Variants in CADPS2 observed in about 807,000 individuals in gnomAD.
CADPS2 encodes calcium dependent secretion activator 2.
CADPS2 carries 93 observed loss-of-function variants against 172.5 expected under a neutral mutation model. The observed-to-expected ratio is 0.54, with a 90% CI of 0.46 to 0.64. The LOEUF (loss-of-function observed/expected upper bound fraction) is 0.64, where lower values mean the gene tolerates loss of function less well. Among genes scored for constraint, CADPS2 ranks in the 30% least tolerant of loss-of-function variants. The pLI is 0.00. For synonymous variants in CADPS2, 546 were observed against 555.2 expected, an observed-to-expected ratio of 0.98 and a Z score of 0.23; for missense variants, 1,420 against 1,565.9, an observed-to-expected ratio of 0.91 and a Z score of 1.57.
rs151189877 is a variant in CADPS2, at chr7:122,543,042, C to T, written c.1475+11508G>A. Among the ~76,000 whole-genome samples, 584 of 152,002 alleles carry T rather than the reference C, an allele frequency of 3.8e-3. 7 individuals are homozygous for T. The highest frequency in any genetic ancestry group is 0.013 in the African/African-American group (553 of 41,474). The stretch of plus-strand genomic sequence containing the variant: ...CATGTATAGTGTTAATATACATTAA[C>T]ACTCAAGGAAGAATAAAGTAAGTTA... On this transcript the variant is annotated intron_variant, in intron 8 of 29. Coordinates refer to ENST00000449022, the MANE Select transcript of CADPS2 (RefSeq NM_017954.11).
chr7:122,695,832 G>A (rs1443608224), intron 2 of CADPS2, among the ~76,000 whole-genome samples: 1 of 152,118 alleles, frequency 6.6e-6, no homozygotes. Flanking sequence ...GATGAACAAA[G>A]GAAAAGGAGG....
intron 17 of CADPS2, among the ~76,000 whole-genome samples, chr7:122,425,549 T>C (rs554282148): frequency 6.6e-6 from 1 of 150,746 alleles, no homozygotes; most frequent in Non-Finnish European, 1.5e-5. Flanking sequence ...GAGGCTACGG[T>C]GAGCTGTGAT....
intron 16 of CADPS2, among the ~76,000 whole-genome samples, chr7:122,441,226 A>C (rs1369920584): frequency 6.6e-6 from 1 of 152,202 alleles, no homozygotes; most frequent in Non-Finnish European, 1.5e-5. Flanking sequence ...TTAACTGAAA[A>C]AAAAGTATTT....
intron 3 of CADPS2, among the ~76,000 whole-genome samples, chr7:122,630,142 C>T (rs2076436319): frequency 6.6e-6 from 1 of 152,142 alleles, no homozygotes; most frequent in Non-Finnish European, 1.5e-5. Context: ...TTTGCACTCT[C>T]ATCACGAAGA....
intron 6 of CADPS2, chr7:122,585,392 T>C (rs1488067511): frequency 7.2e-6 from 1 of 139,660 alleles, no homozygotes; most frequent in East Asian, 2.1e-4. Flanking sequence ...AAGACACAGT[T>C]AGAAAAATCA....
At chr7:122,500,057 G>A (rs1200096047) in intron 9 of CADPS2, among the ~76,000 whole-genome samples, 2 of 152,072 alleles carry the variant, frequency 1.3e-5, no homozygotes, top group African/African-American at 4.8e-5. Flanking sequence ...TACTCCAGAC[G>A]GACCATCCAG....
At chr7:122,765,997 T>C (rs1051784778) in intron 1 of CADPS2, among the ~76,000 whole-genome samples, 5 of 152,112 alleles carry the variant, frequency 3.3e-5, no homozygotes, top group African/African-American at 1.2e-4. Flanking sequence ...GGAAAGTTTA[T>C]TGGTCTTGTG....
intron 6 of CADPS2, among the ~76,000 whole-genome samples, chr7:122,601,603 TTTC>T (rs1176832660): frequency 9.2e-5 from 14 of 152,176 alleles, no homozygotes; most frequent in African/African-American, 3.4e-4. Flanking sequence ...TAAAAAAACA[TTTC>T]TTTAAATAAT....
Position 122,477,556 on chromosome 7 carries a change from A to C in CADPS2, c.1862-3039T>G, listed in dbSNP as rs551201406. On this transcript the variant is annotated intron_variant, in intron 12 of 29. Coordinates refer to ENST00000449022, the MANE Select transcript of CADPS2 (RefSeq NM_017954.11). ...CCCCGACCCCACCAAAAAAAAAAAA[A>C]CAAAAAACAAAAAACCAAAAACTGT... is the stretch of plus-strand genomic sequence containing the variant. Among the ~76,000 whole-genome samples the C allele has an allele frequency of 2.6e-3, 392 of 151,264 alleles. 3 individuals are homozygous for C. Among genetic ancestry groups the C allele is most frequent in the African/African-American group, 9.1e-3 (374 of 40,950 alleles).
intron 8 of CADPS2, among the ~76,000 whole-genome samples, chr7:122,554,268 C>T (rs1182997916): frequency 1.3e-5 from 2 of 151,998 alleles, no homozygotes; most frequent in African/African-American, 4.8e-5. Context: ...GTATCAGTGC[C>T]CTGGTGCCCT....
intron 25 of CADPS2, among the ~76,000 whole-genome samples, chr7:122,363,498 TGCTGAGGG>T (rs1286950288): frequency 2.5e-3 from 371 of 150,916 alleles, no homozygotes; most frequent in South Asian, 5.7e-3. Flanking sequence ...TTGATGAATT[TGCTGAGGG>T]ACAAAGCAAG....
chr7:122,480,074 C>G, intron 12 of CADPS2: 1 of 469,518 alleles, frequency 2.1e-6, no homozygotes, highest in African/African-American at 2.0e-5. Flanking sequence ...AAAGAATGTC[C>G]ATCAATCTGG....
intron 2 of CADPS2, chr7:122,681,242 A>G (rs1423941041): frequency 5.5e-6 from 4 of 722,408 alleles, no homozygotes; most frequent in Non-Finnish European, 9.9e-6. Flanking sequence ...ATGAACCTGC[A>G]CAATGTGCAC....
At chr7:122,761,821 C>T (rs2093389778) in intron 1 of CADPS2, among the ~76,000 whole-genome samples, 2 of 146,456 alleles carry the variant, frequency 1.4e-5, no homozygotes, top group Admixed American at 1.4e-4. Context: ...ATGGCGAAAC[C>T]ACATCTCTAC....
At chr7:122,765,156 C>G (rs1357098900) in intron 1 of CADPS2, among the ~76,000 whole-genome samples, 1 of 152,118 alleles carries the variant, frequency 6.6e-6, no homozygotes, top group Non-Finnish European at 1.5e-5. Context: ...TCAGGCATTC[C>G]AAATAGTCTG....
intron 9 of CADPS2, among the ~76,000 whole-genome samples, chr7:122,494,466 C>CCTAAGATATAACATTT (rs1350602268): frequency 3.3e-5 from 5 of 151,432 alleles, no homozygotes; most frequent in Non-Finnish European, 1.5e-5. Context: ...AACATGGGAA[C>CCTAAGATATAACATTT]CTAAGATATA....
intron 24 of CADPS2, chr7:122,386,248 TA>T: frequency 8.1e-7 from 1 of 1,241,550 alleles, no homozygotes; most frequent in Non-Finnish European, 1.1e-6. Context: ...TTTACAAAAA[TA>T]ATAACTCAAA....
intron 8 of CADPS2, among the ~76,000 whole-genome samples, chr7:122,536,584 AC>A (rs1163194098): frequency 6.6e-6 from 1 of 152,108 alleles, no homozygotes; most frequent in East Asian, 1.9e-4. Context: ...AAATAAGCAC[AC>A]AAACAGGCGA....
At chr7:122,685,990 T>C (rs1383690882) in intron 2 of CADPS2, among the ~76,000 whole-genome samples, 1 of 152,148 alleles carries the variant, frequency 6.6e-6, no homozygotes, top group Non-Finnish European at 1.5e-5. Flanking sequence ...ATCCCACCAG[T>C]ATTTGTGAAG....
Sources: allele counts gnomAD v4.1 joint callset (sites outside exome capture counted in the v4.1 genomes callset), GRCh38; gene constraint gnomAD v4.1.1; transcripts MANE v1.5; gene names NCBI Gene and HGNC (gene_info 2026-07-23, HGNC 2026-07-21).